IARS1: variants seen among roughly 807,000 people sequenced by gnomAD.
IARS1 encodes isoleucine--tRNA ligase, cytoplasmic.
IARS1 carries 124 observed loss-of-function variants against 168.2 expected under a neutral mutation model. The ratio of observed to expected loss-of-function variants is 0.74; its 90% CI spans 0.64 to 0.86. IARS1 has a LOEUF of 0.86. Ranked by LOEUF, IARS1 falls within the 40% of genes least tolerant of loss-of-function variation. IARS1 has a pLI of 0.00. For missense variants in IARS1, 1,452 were observed against 1,515.8 expected (o/e 0.96, Z 0.70); for synonymous variants, 532 against 529.4 (o/e 1.00, Z -0.07).
intron 31 of IARS1, among the ~76,000 whole-genome samples, chr9:92,228,581 TG>T (rs11366958): frequency 0.64 from 97,496 of 151,904 alleles, 33,475 homozygotes; most frequent in African/African-American, 0.9. Flanking sequence ...AGCATGGTGG[TG>T]GCATGCCTGT....
rs1310099492 is a variant in IARS1 at position 92,256,752 on chromosome 9, G to C, written c.2065C>G (p.Pro689Ala). 6.2e-7 allele frequency: 1 copy of C among 1,613,558 alleles called. No homozygotes were observed. The highest frequency in any genetic ancestry group is 1.3e-5 in the African/African-American group (1 of 74,886). The change falls in exon 20 of 34, where the codon CCC (proline) becomes GCC (alanine). Residue 689 changes from proline (P) to alanine (A), a missense_variant. Coordinates refer to ENST00000443024, the MANE Select transcript of IARS1 (RefSeq NM_002161.6). ...LYNENTVRES[P>A]NITDRWILSF... Reference sequence around the variant, plus strand: ...AGGATCCACCGGTCTGTAATGTTGGGGCTTTCTCTAACCGTGTTCTCATTG... The same window carrying C: ...AGGATCCACCGGTCTGTAATGTTGGCGCTTTCTCTAACCGTGTTCTCATTG...
rs927136461 is a variant in IARS1 at position 92,250,605 on chromosome 9, G to A, written c.2429+108C>T. The A allele has an allele frequency of 9.4e-6, 12 of 1,278,692 alleles. No homozygotes were observed. In the African/African-American group the frequency reaches 1.4e-4, roughly 14 times the overall value. The allele number at this position is 1,278,692 out of a possible 1,614,324, so 79.2% of individuals were successfully genotyped here. On this transcript the variant is annotated intron_variant, in intron 23 of 33. Transcript: ENST00000443024. ...GAGTTCATGTCAGCTGGGGCGGGAG[G>A]CAAGGCACAGATGGAGCTGGAGCAG...
At position 92,245,026 on chromosome 9, in the gene IARS1, C is replaced by T. The variant is rs375942375; in HGVS notation, c.2837G>A (p.Arg946His). ...GGCCTGATCAAAGGTGTACATGAGG[C>T]GGATGTCTTCATCGTGCAATTCATG... ...EGHELHDEDI[R>H]LMYTFDQATG... is the part of the protein sequence containing the mutation. The change falls in exon 27 of 34, where the codon CGC becomes CAC. Residue 946 changes from arginine (R) to histidine (H), a missense_variant. Coordinates refer to ENST00000443024, the MANE Select transcript of IARS1 (RefSeq NM_002161.6). 2.7e-5 allele frequency: 44 copies of T among 1,614,056 alleles called. No individual in the cohort carries two copies. In the African/African-American group the frequency reaches 4.4e-4, roughly 16 times the overall value.
intron 33 of IARS1, among the ~76,000 whole-genome samples, chr9:92,212,758 G>A (rs747501444): frequency 6.6e-6 from 1 of 152,178 alleles, no homozygotes; most frequent in South Asian, 2.1e-4. Flanking sequence ...TCGAGGGAGA[G>A]TGAAAAAAGC....
chr9:92,231,878 T>C (rs906324601), intron 30 of IARS1, among the ~76,000 whole-genome samples: 2 of 152,198 alleles, frequency 1.3e-5, no homozygotes, highest in Admixed American at 6.5e-5. Flanking sequence ...TTCAAGTTCA[T>C]GTGACTTGGG....
chr9:92,251,192 G>T (rs980643540), intron 22 of IARS1: 1 of 462,054 alleles, frequency 2.2e-6, no homozygotes, highest in African/African-American at 2.0e-5. Flanking sequence ...TCACAGGATG[G>T]AGGTGATGAG....
intron 1 of IARS1, among the ~76,000 whole-genome samples, chr9:92,292,171 C>T: frequency 7.1e-6 from 1 of 140,178 alleles, no homozygotes; most frequent in Admixed American, 6.9e-5. Flanking sequence ...GTGTGCACCA[C>T]CACACTCAGC....
intron 12 of IARS1, among the ~76,000 whole-genome samples, chr9:92,270,568 G>A (rs1176534222): frequency 6.6e-6 from 1 of 152,166 alleles, no homozygotes; most frequent in African/African-American, 2.4e-5. Flanking sequence ...GACAAGGTGG[G>A]AGGATTATTT....
At chr9:92,213,550 G>A (rs996723849) in intron 33 of IARS1, among the ~76,000 whole-genome samples, 8 of 152,160 alleles carry the variant, frequency 5.3e-5, no homozygotes, top group African/African-American at 1.9e-4. Context: ...GGGATGCCTG[G>A]CGCCACCATA....
At chr9:92,272,871 A>C (rs868161146) in intron 10 of IARS1, among the ~76,000 whole-genome samples, 5,862 of 110,148 alleles carry the variant, frequency 0.053, 150 homozygotes, top group Middle Eastern at 0.071. Flanking sequence ...AAACAAAAAA[A>C]AAAAAAAAAA....
intron 4 of IARS1, 147 bp downstream of exon 4, chr9:92,287,644 G>A (rs1054951001): frequency 3.9e-5 from 31 of 804,552 alleles, no homozygotes; most frequent in African/African-American, 2.3e-4. Context: ...TAAGCTAACC[G>A]TTTAAGTAAT....
At chr9:92,236,340 T>A (rs1368051029) in intron 30 of IARS1, among the ~76,000 whole-genome samples, 1 of 152,140 alleles carries the variant, frequency 6.6e-6, no homozygotes. Context: ...AATAACCACA[T>A]AAAATGAGTG....
intron 33 of IARS1, among the ~76,000 whole-genome samples, chr9:92,221,820 C>T (rs1049103318): frequency 6.6e-6 from 1 of 152,122 alleles, no homozygotes; most frequent in Admixed American, 6.5e-5. Context: ...GTTTTATAAA[C>T]TGTAAAGGGA....
Position 92,280,756 on chromosome 9 carries a change from C to T in IARS1, c.735G>A (p.Val245=). The change falls in exon 7 of 34, where the codon GTG becomes GTA. Residue 245 remains valine (V), a synonymous_variant. Transcript: ENST00000443024. ...AVCVNPEMQY[V]KIKDVARGRL... ...CAGCCTCCCACTTACCTTTAATTTT[C>T]ACATATTGCATTTCTGGATTAACAC... 1 of 1,606,690 alleles carries T rather than the reference C, an allele frequency of 6.2e-7. No homozygotes were observed. The highest frequency in any genetic ancestry group is 8.5e-7 in the Non-Finnish European group (1 of 1,176,300).
chr9:92,259,025 A>G (rs766127192), intron 18 of IARS1, 27 bp from the exon 19 acceptor site: 3 of 1,577,272 alleles, frequency 1.9e-6, no homozygotes, highest in Non-Finnish European at 2.6e-6. Flanking sequence ...AATTAGACAG[A>G]AAAGGTACTT....
Position 92,293,649 on chromosome 9 carries a change from G to A in IARS1, c.-46C>T, listed in dbSNP as rs1836772266. ...CGTGCCTGGACAGCCCCGCGGGCCA[G>A]CAAGCCTAAAAGCAACTCATCCGGC... is the stretch of plus-strand genomic sequence containing the variant. On this transcript the variant is annotated 5_prime_UTR_variant, in exon 1 of 34. Transcript: ENST00000443024. 1.0e-5 allele frequency: 3 copies of A among 297,430 alleles called. No homozygotes were observed. The highest frequency in any genetic ancestry group is 7.3e-6 in the Non-Finnish European group (1 of 137,626). The allele number at this position is 297,430 out of a possible 1,614,324, so 18.4% of individuals were successfully genotyped here. A position where few individuals can be genotyped will look rare whatever the true frequency, so the allele number is the denominator to read the frequency against.
intron 31 of IARS1, among the ~76,000 whole-genome samples, chr9:92,224,231 C>A (rs117984887): frequency 2.0e-4 from 30 of 152,274 alleles, no homozygotes; most frequent in Non-Finnish European, 3.8e-4. Flanking sequence ...CTGCACAATA[C>A]GCTGTATCAT....
At chr9:92,216,421 A>C (rs1391394310) in intron 33 of IARS1, among the ~76,000 whole-genome samples, 7 of 147,630 alleles carry the variant, frequency 4.7e-5, no homozygotes, top group Non-Finnish European at 9.0e-5. Context: ...CACACATAAC[A>C]ATATTAACTT....
chr9:92,271,844 A>T (rs539882839), intron 10 of IARS1, among the ~76,000 whole-genome samples, 189 bp from the exon 11 acceptor site: 11 of 152,328 alleles, frequency 7.2e-5, no homozygotes, highest in African/African-American at 2.6e-4. Context: ...GGGTTAGGTC[A>T]CCCAGTCTAG....
Sources: gnomAD v4.1 joint callset for allele counts (sites outside exome capture counted in the v4.1 genomes callset) on GRCh38, gnomAD v4.1.1 for gene constraint, MANE v1.5 for transcripts, NCBI Gene and HGNC (gene_info 2026-07-23, HGNC 2026-07-21) for gene names.